Variants in PACRG observed in about 807,000 individuals in gnomAD.
PACRG encodes parkin coregulated gene protein.
PACRG carries 29 observed loss-of-function variants against 29.7 expected under a neutral mutation model. That is an observed-to-expected ratio of 0.98 (90% confidence interval 0.73 to 1.33). PACRG has a LOEUF of 1.33. Ranked by LOEUF, PACRG falls within the 40% of genes most tolerant of loss-of-function variation. PACRG has a pLI of 0.00. For synonymous variants in PACRG, 116 were observed against 118.7 expected (o/e 0.98, Z 0.15); for missense variants, 279 against 316.2 (o/e 0.88, Z 0.89).
At chr6:163,099,530 A>G (rs997939371) in intron 4 of PACRG, among the ~76,000 whole-genome samples, 8 of 152,326 alleles carry the variant, frequency 5.3e-5, no homozygotes, top group South Asian at 4.1e-4. Flanking sequence ...CAGTCAGCTC[A>G]TAATTTGTAG....
rs1491496936 is a variant in PACRG at position 163,141,445 on chromosome 6, T to TG, written c.613+52037_613+52038insG. Among the ~76,000 whole-genome samples the TG allele has an allele frequency of 5.6e-3, 63 of 11,186 alleles. No homozygotes were observed. In the African/African-American group the frequency reaches 0.13, roughly 23 times the overall value. The allele number at this position is 11,186 out of a possible 152,430, so 7.3% of individuals were successfully genotyped here. Reference sequence around the variant, plus strand: ...CTATAGGATTTTTGTAATGTATGTGTTTTTTTTTTTTTTAAAGCCAAACTA... The same window carrying TG: ...CTATAGGATTTTTGTAATGTATGTGTGTTTTTTTTTTTTTAAAGCCAAACTA... On this transcript the variant is annotated intron_variant, in intron 4 of 4. Coordinates refer to ENST00000366888, the MANE Select transcript of PACRG (RefSeq NM_001080379.2).
intron 2 of PACRG, among the ~76,000 whole-genome samples, chr6:162,887,273 T>C (rs1794415654): frequency 6.6e-6 from 1 of 152,202 alleles, no homozygotes; most frequent in African/African-American, 2.4e-5. Context: ...TTTGAATGGT[T>C]GCTTTCCATC....
chr6:162,985,249 A>T (rs1464881750), intron 2 of PACRG, among the ~76,000 whole-genome samples: 3 of 151,952 alleles, frequency 2.0e-5, no homozygotes, highest in Non-Finnish European at 4.4e-5. Context: ...AAGGACATTT[A>T]AAAAAACGAA....
intron 2 of PACRG, among the ~76,000 whole-genome samples, chr6:162,863,539 G>A (rs1792042722): frequency 6.6e-6 from 1 of 152,224 alleles, no homozygotes; most frequent in African/African-American, 2.4e-5. Flanking sequence ...CATAGCAGAG[G>A]CTAAGCTACA....
intron 2 of PACRG, among the ~76,000 whole-genome samples, chr6:162,996,162 T>C (rs1417866769): frequency 6.6e-6 from 1 of 151,392 alleles, no homozygotes; most frequent in African/African-American, 2.4e-5. Context: ...ACCACACACA[T>C]GCACAGAGAT....
At chr6:162,828,849 T>C (rs561683794) in intron 2 of PACRG, among the ~76,000 whole-genome samples, 1 of 152,256 alleles carries the variant, frequency 6.6e-6, no homozygotes, top group South Asian at 2.1e-4. Flanking sequence ...ATCTAGTAAA[T>C]TGTGCAATTT....
At chr6:163,061,371 C>T (rs1056737165) in intron 2 of PACRG, among the ~76,000 whole-genome samples, 3 of 152,208 alleles carry the variant, frequency 2.0e-5, no homozygotes, top group African/African-American at 4.8e-5. Flanking sequence ...TCTCTTTTCT[C>T]AACCCCAGAG....
intron 2 of PACRG, among the ~76,000 whole-genome samples, chr6:162,978,151 A>T (rs12212762): frequency 0.46 from 69,578 of 151,824 alleles, 17,480 homozygotes; most frequent in East Asian, 0.73. Flanking sequence ...CTCAAAAAAA[A>T]AAAAAATGTT....
At chr6:163,131,021 C>G (rs2128329030) in intron 4 of PACRG, among the ~76,000 whole-genome samples, 1 of 152,192 alleles carries the variant, frequency 6.6e-6, no homozygotes, top group African/African-American at 2.4e-5. Context: ...AGAGAAGGTA[C>G]AGTCGGCCGG....
intron 2 of PACRG, among the ~76,000 whole-genome samples, chr6:162,848,433 G>A (rs958385849): frequency 6.6e-6 from 1 of 152,142 alleles, no homozygotes; most frequent in African/African-American, 2.4e-5. Context: ...AATATCACAC[G>A]AGGTCTTGCA....
intron 3 of PACRG, among the ~76,000 whole-genome samples, chr6:163,062,598 A>T (rs1811186901): frequency 6.6e-6 from 1 of 152,182 alleles, no homozygotes; most frequent in African/African-American, 2.4e-5. Flanking sequence ...ACATTAACTT[A>T]CGCATCCAGA....
At chr6:162,965,056 G>A (rs1352716581) in intron 2 of PACRG, among the ~76,000 whole-genome samples, 1 of 152,238 alleles carries the variant, frequency 6.6e-6, no homozygotes, top group Non-Finnish European at 1.5e-5. Flanking sequence ...GAAGATGGAA[G>A]TGCCTTAAGG....
chr6:163,285,931 C>T (rs1215483832), intron 4 of PACRG, among the ~76,000 whole-genome samples: 1 of 145,716 alleles, frequency 6.9e-6, no homozygotes, highest in Non-Finnish European at 1.6e-5. Flanking sequence ...ATGACTCCAT[C>T]CCTTCATGAC....
chr6:162,935,667 T>G (rs917528913), intron 2 of PACRG, among the ~76,000 whole-genome samples: 1 of 152,158 alleles, frequency 6.6e-6, no homozygotes, highest in African/African-American at 2.4e-5. Flanking sequence ...GGATTTCTTT[T>G]CAGGCATTTC....
chr6:163,035,812 C>CAAAAAAA (rs1156795173), intron 2 of PACRG, among the ~76,000 whole-genome samples: 2 of 64,246 alleles, frequency 3.1e-5, no homozygotes, highest in African/African-American at 1.2e-4. Flanking sequence ...GACTCTGTCT[C>CAAAAAAA]AAAAAAAAAA....
chr6:162,801,065 T>A (rs1448549673), intron 1 of PACRG, among the ~76,000 whole-genome samples: 1 of 152,202 alleles, frequency 6.6e-6, no homozygotes, highest in Non-Finnish European at 1.5e-5. Flanking sequence ...GTGGTCAAGC[T>A]GAAAAACCAG....
At chr6:163,142,737 G>A (rs1777598899) in intron 4 of PACRG, among the ~76,000 whole-genome samples, 1 of 152,190 alleles carries the variant, frequency 6.6e-6, no homozygotes, top group East Asian at 1.9e-4. Flanking sequence ...GAATGGACGT[G>A]ATCACTGTGT....
intron 3 of PACRG, among the ~76,000 whole-genome samples, chr6:163,072,383 A>G (rs1468518916): frequency 6.6e-6 from 1 of 152,162 alleles, no homozygotes; most frequent in Non-Finnish European, 1.5e-5. Context: ...TTTGTCCTGA[A>G]AAATAAAAAC....
chr6:162,930,615 T>G (rs1797779060), intron 2 of PACRG, among the ~76,000 whole-genome samples: 1 of 152,042 alleles, frequency 6.6e-6, no homozygotes, highest in South Asian at 2.1e-4. Flanking sequence ...TAGCCAGGAC[T>G]TCCATTATTA....
Sources: allele counts gnomAD v4.1 joint callset (sites outside exome capture counted in the v4.1 genomes callset), GRCh38; gene constraint gnomAD v4.1.1; transcripts MANE v1.5; gene names NCBI Gene and HGNC (gene_info 2026-07-23, HGNC 2026-07-21).